The following LRP1B variants were observed in gnomAD, a reference collection of about 807,000 sequenced individuals.
LRP1B encodes the protein LDL receptor related protein 1B.
LRP1B carries 217 observed loss-of-function variants against 556.6 expected under a neutral mutation model. The observed-to-expected ratio is 0.39, with a 90% CI of 0.35 to 0.44. The LOEUF is 0.44. Ranked by LOEUF, LRP1B falls within the 20% of genes least tolerant of loss-of-function variation. LRP1B has a pLI of 1.00. For synonymous variants in LRP1B, 2,047 were observed against 1,865.8 expected, an observed-to-expected ratio of 1.10 and a Z score of -2.50; for missense variants, 5,053 against 5,620.8, an observed-to-expected ratio of 0.90 and a Z score of 3.23.
intron 3 of LRP1B, among the ~76,000 whole-genome samples, chr2:141,477,957 T>A (rs1259764144): frequency 3.5e-5 from 1 of 28,668 alleles, no homozygotes; most frequent in Non-Finnish European, 1.0e-4. Context: ...CTAAACCTCC[T>A]ACTGGCAAAA....
rs141590773 is a variant in LRP1B at position 141,175,667 on chromosome 2, G to T, written c.1013+12754C>A. On this transcript the variant is annotated intron_variant, in intron 7 of 90. Transcript: ENST00000389484. The stretch of plus-strand genomic sequence containing the variant: ...CCTCTACTAGGTCAGGGCAGTGGGA[G>T]AATGTGGGGTTGGAGCTCCCACACA... Among the ~76,000 whole-genome samples, 633 of 152,258 alleles carry T rather than the reference G, an allele frequency of 4.2e-3. 5 individuals are homozygous for T. Among genetic ancestry groups the T allele is most frequent in the Non-Finnish European group, 7.3e-3 (496 of 67,992 alleles).
At chr2:141,543,800 G>A (rs1447101706) in intron 2 of LRP1B, among the ~76,000 whole-genome samples, 2 of 152,034 alleles carry the variant, frequency 1.3e-5, no homozygotes, top group Non-Finnish European at 2.9e-5. Flanking sequence ...ATAATTTTGA[G>A]TGTTTATCAT....
At chr2:141,519,404 A>ATATAT (rs1559118212) in intron 2 of LRP1B, among the ~76,000 whole-genome samples, 30 of 9,384 alleles carry the variant, frequency 3.2e-3, no homozygotes, top group African/African-American at 0.011. Flanking sequence ...TATATATATG[A>ATATAT]AATGCAATAT....
chr2:141,284,750 A>G (rs1425202224), intron 3 of LRP1B, among the ~76,000 whole-genome samples: 1 of 152,168 alleles, frequency 6.6e-6, no homozygotes, highest in African/African-American at 2.4e-5. Context: ...TTGTTTTGGA[A>G]CACTTGTCAA....
chr2:141,518,711 C>G (rs12997254), intron 2 of LRP1B, among the ~76,000 whole-genome samples: 91,731 of 151,630 alleles, frequency 0.6, 28,020 homozygotes, highest in South Asian at 0.7. Flanking sequence ...CACTTTGGGA[C>G]GCCGAGGTGG....
At chr2:141,936,936 A>G (rs1272441247) in intron 1 of LRP1B, among the ~76,000 whole-genome samples, 2 of 151,276 alleles carry the variant, frequency 1.3e-5, no homozygotes, top group Non-Finnish European at 2.9e-5. Flanking sequence ...CCACCATAGT[A>G]TTTAACTAAA....
At chr2:141,664,648 A>C (rs896192368) in intron 2 of LRP1B, among the ~76,000 whole-genome samples, 6 of 152,150 alleles carry the variant, frequency 3.9e-5, no homozygotes, top group Admixed American at 2.6e-4. Flanking sequence ...CAGCTAACAA[A>C]GGAAGCGAAG....
chr2:140,693,033 T>G (rs973642743), intron 41 of LRP1B, among the ~76,000 whole-genome samples: 1 of 152,294 alleles, frequency 6.6e-6, no homozygotes, highest in African/African-American at 2.4e-5. Flanking sequence ...ATTTTTCAAT[T>G]TATTTGTAAT....
chr2:141,367,440 G>A (rs1005487704), intron 3 of LRP1B, among the ~76,000 whole-genome samples: 5 of 111,578 alleles, frequency 4.5e-5, no homozygotes, highest in African/African-American at 1.6e-4. Flanking sequence ...TTTTTGAAAC[G>A]TATTTTGGAT....
At chr2:141,785,455 G>A (rs2105649020) in intron 2 of LRP1B, among the ~76,000 whole-genome samples, 1 of 151,934 alleles carries the variant, frequency 6.6e-6, no homozygotes, top group Middle Eastern at 3.4e-3. Flanking sequence ...ATTGGCTCTG[G>A]AAAGGAAACT....
chr2:141,536,470 T>C (rs1685071748), intron 2 of LRP1B, among the ~76,000 whole-genome samples: 1 of 152,018 alleles, frequency 6.6e-6, no homozygotes, highest in Admixed American at 6.6e-5. Flanking sequence ...TAATATAGAA[T>C]CAATTATTAG....
chr2:140,307,300 A>G (rs558863116), intron 83 of LRP1B, among the ~76,000 whole-genome samples: 1 of 151,946 alleles, frequency 6.6e-6, no homozygotes, highest in African/African-American at 2.4e-5. Flanking sequence ...ACATGGCACA[A>G]TGCCTGCCAC....
In LRP1B at chr2:140,442,615, T is replaced by C; in HGVS notation, c.10303A>G (p.Ser3435Gly). Residue 3435 changes from serine (S) to glycine (G), a missense_variant, in exon 66 of 91, where the codon AGC becomes GGC. This residue lies in a region of LRP1B where 262 missense variants were observed against 395.1 expected (regional missense o/e 0.66). Coordinates refer to ENST00000389484, the MANE Select transcript of LRP1B (RefSeq NM_018557.3). Reference protein sequence around the residue: ...EEDERDCPENSCSPDYFQCKT... With the variant: ...EEDERDCPENGCSPDYFQCKT... ...CACTGGAAATAGTCTGGAGAACAGCTGTTTTCAGCTTAGAAAGAAAACTGC... is the reference window on the plus strand; with the variant it reads ...CACTGGAAATAGTCTGGAGAACAGCCGTTTTCAGCTTAGAAAGAAAACTGC... 1 of 1,612,930 alleles carries C rather than the reference T, an allele frequency of 6.2e-7. No individual in the cohort carries two copies. Among genetic ancestry groups the C allele is most frequent in the Non-Finnish European group, 8.5e-7 (1 of 1,179,628 alleles).
rs1231670293 is a variant in LRP1B, at chr2:140,450,678, A to G, written c.9964-17T>C. On this transcript the variant is annotated splice_polypyrimidine_tract_variant and intron_variant, in intron 62 of 90. Coordinates refer to ENST00000389484, the MANE Select transcript of LRP1B (RefSeq NM_018557.3). The stretch of plus-strand genomic sequence containing the variant: ...GCAACGAAACTTAAAAAAGAAAAAA[A>G]GAAAAAAAAATGTTGAAGAACCCAG... 1.3e-6 allele frequency: 2 copies of G among 1,579,060 alleles called. No individual in the cohort carries two copies. Among genetic ancestry groups the G allele is most frequent in the African/African-American group, 1.4e-5 (1 of 73,342 alleles).
chr2:141,467,124 CTATATATATATATATATATAT>C (rs1682255816), intron 3 of LRP1B, among the ~76,000 whole-genome samples: 2 of 8,612 alleles, frequency 2.3e-4, no homozygotes, highest in Non-Finnish European at 1.4e-3. Flanking sequence ...ATATATATAT[CTATATATATATATATATATAT>C]ATATATCCTC....
At chr2:140,913,360 A>G (rs1284338969) in intron 21 of LRP1B, among the ~76,000 whole-genome samples, 1 of 151,954 alleles carries the variant, frequency 6.6e-6, no homozygotes. Flanking sequence ...AAGCCATATA[A>G]CCATCAGAGA....
At chr2:142,099,807 T>C (rs1162680411) in intron 1 of LRP1B, among the ~76,000 whole-genome samples, 1 of 151,916 alleles carries the variant, frequency 6.6e-6, no homozygotes, top group Non-Finnish European at 1.5e-5. Flanking sequence ...CAGAATTAGT[T>C]CTGTTTCTAA....
At chr2:141,694,620 T>G (rs1412957612) in intron 2 of LRP1B, among the ~76,000 whole-genome samples, 2 of 151,874 alleles carry the variant, frequency 1.3e-5, no homozygotes. Context: ...TTGGAAGAAT[T>G]TGGGCTCATG....
intron 35 of LRP1B, among the ~76,000 whole-genome samples, chr2:140,717,283 T>C (rs1332704192): frequency 6.6e-6 from 1 of 151,964 alleles, no homozygotes; most frequent in Non-Finnish European, 1.5e-5. Context: ...GAAAGAAACA[T>C]AAGAGCATTT....
Sources: allele counts gnomAD v4.1 joint callset (sites outside exome capture counted in the v4.1 genomes callset), GRCh38; gene constraint gnomAD v4.1.1; regional missense constraint gnomAD v4.1.1; transcripts MANE v1.5; gene names NCBI Gene and HGNC (gene_info 2026-07-23, HGNC 2026-07-21).